The following FBXL16 variants were observed in gnomAD, a reference collection of about 807,000 sequenced individuals.
FBXL16 encodes the protein F-box/LRR-repeat protein 16.
FBXL16 carries 7 observed loss-of-function variants against 36.7 expected under a neutral mutation model. That is an observed-to-expected ratio of 0.19 (90% CI 0.11 to 0.36). FBXL16 has a LOEUF of 0.36. FBXL16 is among the 10% of genes least tolerant of loss of function. FBXL16 has a pLI of 1.00. For missense variants in FBXL16, 463 were observed against 659.4 expected, an observed-to-expected ratio of 0.70 and a Z score of 3.26; for synonymous variants, 355 against 308.7, an observed-to-expected ratio of 1.15 and a Z score of -1.57.
chr16:701,310 C>A (rs1278094775), intron 1 of FBXL16, among the ~76,000 whole-genome samples: 1 of 152,230 alleles, frequency 6.6e-6, no homozygotes, highest in Non-Finnish European at 1.5e-5. Flanking sequence ...GTGGTCAGCC[C>A]TCGACCCGTG....
chr16:696,729 C>T (rs770593239), intron 2 of FBXL16, 44 bp downstream of exon 2: 36 of 1,470,930 alleles, frequency 2.4e-5, no homozygotes, highest in Middle Eastern at 2.1e-4. Flanking sequence ...TGCTGCTGCC[C>T]GCCCCTGCCC....
intron 1 of FBXL16, among the ~76,000 whole-genome samples, chr16:704,887 C>T (rs1398560475): frequency 6.6e-6 from 1 of 152,236 alleles, no homozygotes; most frequent in Non-Finnish European, 1.5e-5. Context: ...GGGGAACGCT[C>T]TCCACCCACC....
At chr16:705,079 C>T (rs948206013) in intron 1 of FBXL16, among the ~76,000 whole-genome samples, 1 of 152,230 alleles carries the variant, frequency 6.6e-6, no homozygotes, top group Middle Eastern at 3.2e-3. Context: ...CCAGAAGCCG[C>T]CCGCCCGGGG....
In FBXL16 at chr16:693,113, C is replaced by T. The variant is rs902040766; in HGVS notation, c.*1162G>A. On this transcript the variant is annotated 3_prime_UTR_variant, in exon 6 of 6. Transcript: ENST00000397621. ...CCCAGGACTTCCAAATGTCTCGGGC[C>T]GACAGAGCACGGTCAGAGCCCATTT... 18 of 149,460 alleles carry T rather than the reference C, an allele frequency of 1.2e-4. No individual in the cohort carries two copies. The highest frequency in any genetic ancestry group is 1.5e-5 in the Non-Finnish European group (1 of 67,770). The allele number at this position is 149,460 out of a possible 1,614,324, so 9.3% of individuals were successfully genotyped here.
chr16:695,375 C>A (rs758742203), intron 3 of FBXL16, 40 bp downstream of exon 3: 1 of 1,401,834 alleles, frequency 7.1e-7, no homozygotes, highest in South Asian at 1.4e-5. Context: ...TGCAGCCCCG[C>A]CCGGCCCAGC....
intron 1 of FBXL16, among the ~76,000 whole-genome samples, chr16:698,303 G>A (rs951352870): frequency 6.6e-6 from 1 of 152,156 alleles, no homozygotes; most frequent in Non-Finnish European, 1.5e-5. Flanking sequence ...GTGCCTGACC[G>A]GAAACCTTTT....
At chr16:700,214 G>A (rs1191682736) in intron 1 of FBXL16, among the ~76,000 whole-genome samples, 2 of 152,128 alleles carry the variant, frequency 1.3e-5, no homozygotes, top group South Asian at 2.1e-4. Flanking sequence ...CGTGGCCCTC[G>A]TGGCTGAGAA....
intron 1 of FBXL16, among the ~76,000 whole-genome samples, chr16:704,645 G>A (rs547754020): frequency 9.8e-5 from 15 of 152,328 alleles, no homozygotes; most frequent in African/African-American, 1.9e-4. Context: ...GCTGGGAGAC[G>A]GCCCTGTGTC....
At chr16:696,743 A>G in intron 2 of FBXL16, 30 bp downstream of exon 2, 14 of 486,598 alleles carry the variant, frequency 2.9e-5, no homozygotes, top group Middle Eastern at 3.7e-4. Flanking sequence ...CCTGCCCCCC[A>G]GCCCTGTCCC....
intron 4 of FBXL16, 34 bp downstream of exon 4, chr16:694,958 C>T: frequency 6.6e-7 from 1 of 1,510,184 alleles, no homozygotes; most frequent in South Asian, 1.3e-5. Flanking sequence ...ACCTCCCCGC[C>T]GATCCCCCAA....
intron 1 of FBXL16, among the ~76,000 whole-genome samples, chr16:703,143 C>T (rs893326874): frequency 6.6e-6 from 1 of 152,232 alleles, no homozygotes; most frequent in Non-Finnish European, 1.5e-5. Flanking sequence ...CTGCCCTGTT[C>T]TGCCTCATGG....
rs1293293445 is a variant in FBXL16, at chr16:692,889, CTCTCTCTCTCTT to C, written c.*1374_*1385del. The C allele has an allele frequency of 1.3e-5, 2 of 152,090 alleles. No homozygotes were observed. Among genetic ancestry groups the C allele is most frequent in the African/African-American group, 4.8e-5 (2 of 41,292 alleles). The allele number at this position is 152,090 out of a possible 1,614,324, so 9.4% of individuals were successfully genotyped here. The stretch of plus-strand genomic sequence containing the variant: ...TGATCTGTTTCTGATTCAACAGCAT[CTCTCTCTCTCTT>C]TCTCTCTCTCTCTCACTCTCTTTCT... On this transcript the variant is annotated 3_prime_UTR_variant, in exon 6 of 6. Transcript: ENST00000397621.
chr16:704,825 G>A (rs778765424), intron 1 of FBXL16, among the ~76,000 whole-genome samples: 1 of 152,242 alleles, frequency 6.6e-6, no homozygotes, highest in Non-Finnish European at 1.5e-5. Context: ...TGGCCGCTGG[G>A]CCGTCAGTTC....
chr16:701,426 ACT>A (rs2040056401), intron 1 of FBXL16, among the ~76,000 whole-genome samples: 1 of 152,060 alleles, frequency 6.6e-6, no homozygotes, highest in Non-Finnish European at 1.5e-5. Flanking sequence ...GGCTTGACTG[ACT>A]CAGCCCGAAT....
In FBXL16 at chr16:705,621, C is replaced by T. The variant is rs1193294098; in HGVS notation, c.-124G>A. On this transcript the variant is annotated 5_prime_UTR_variant, in exon 1 of 6. Coordinates refer to ENST00000397621, the MANE Select transcript of FBXL16 (RefSeq NM_153350.4). The stretch of plus-strand genomic sequence containing the variant: ...GGGGCCGCCGGGGTGCTGGACTGGC[C>T]GGCAGGGCCCGGCCGCGCCCTGCGC... 1.3e-5 allele frequency: 2 copies of T among 149,186 alleles called. No homozygotes were observed. Among genetic ancestry groups the T allele is most frequent in the African/African-American group, 2.4e-5 (1 of 41,126 alleles). 9.2% of individuals were successfully genotyped at this position (149,186 alleles called of 1,614,324 possible).
At chr16:700,161 G>T (rs1266370712) in intron 1 of FBXL16, among the ~76,000 whole-genome samples, 2 of 152,224 alleles carry the variant, frequency 1.3e-5, no homozygotes, top group African/African-American at 4.8e-5. Context: ...CATCTGGGGA[G>T]GGGGTGTAGA....
In FBXL16 at chr16:697,414, C is replaced by G. The variant is rs1343356966; in HGVS notation, c.-9G>C. On this transcript the variant is annotated 5_prime_UTR_variant, in exon 2 of 6. Coordinates refer to ENST00000397621, the MANE Select transcript of FBXL16 (RefSeq NM_153350.4). The surrounding 1 kb of genome is among the most constrained non-coding windows in gnomAD (Gnocchi z 4.6). ...ATGCCCGGGCTCGACATCTTCCTGGCACGCTCTGTGGATGAGGGCCGGGAG... is the reference window on the plus strand; with the variant it reads ...ATGCCCGGGCTCGACATCTTCCTGGGACGCTCTGTGGATGAGGGCCGGGAG... 1 of 1,529,704 alleles carries G rather than the reference C, an allele frequency of 6.5e-7. No homozygotes were observed. Among genetic ancestry groups the G allele is most frequent in the Non-Finnish European group, 8.7e-7 (1 of 1,143,844 alleles). 94.8% of individuals were successfully genotyped at this position (1,529,704 alleles called of 1,614,324 possible). A position where few individuals can be genotyped will look rare whatever the true frequency, so the allele number is the denominator to read the frequency against.
At position 696,625 on chromosome 16, in the gene FBXL16, G is replaced by A. The variant is rs77726033; in HGVS notation, c.633+148C>T. ...GAAAATCTTGAGTGTCTTTGAACAA[G>A]GGACCCACATTTTCGCTTTGCGCGA... On this transcript the variant is annotated intron_variant, in intron 2 of 5. Transcript: ENST00000397621. 4,694 of 520,254 alleles carry A rather than the reference G, an allele frequency of 9.0e-3. 204 individuals carry two copies. In the African/African-American group the frequency reaches 0.11, roughly 12 times the overall value. The allele number at this position is 520,254 out of a possible 1,614,324, so 32.2% of individuals were successfully genotyped here.
rs1271170061 is a variant in FBXL16 at position 697,388 on chromosome 16, G to C, written c.18C>G (p.Ile6Met). The C allele has an allele frequency of 2.0e-6, 3 of 1,535,646 alleles. No individual in the cohort carries two copies. Among genetic ancestry groups the C allele is most frequent in the Non-Finnish European group, 2.6e-6 (3 of 1,147,106 alleles). The change falls in exon 2 of 6, where the codon ATC (isoleucine) becomes ATG (methionine). Residue 6 changes from isoleucine (I) to methionine (M), a missense_variant. Ile to Met is a conservative substitution (Grantham distance 10, BLOSUM62 1). Coordinates refer to ENST00000397621, the MANE Select transcript of FBXL16 (RefSeq NM_153350.4). This position sits in a 1 kb window ranked among gnomAD's most constrained non-coding sequence, Gnocchi z 4.6. MSSPG[I>M]DGDPKPPCLP... ...AGCATGGAGGCTTGGGGTCGCCGTC[G>C]ATGCCCGGGCTCGACATCTTCCTGG...
Sources: allele counts gnomAD v4.1 joint callset (sites outside exome capture counted in the v4.1 genomes callset), GRCh38; gene constraint gnomAD v4.1.1; non-coding constraint Gnocchi (gnomAD v3.1); transcripts MANE v1.5; gene names NCBI Gene and HGNC (gene_info 2026-07-23, HGNC 2026-07-21).